Variants in CCDC33 observed in about 807,000 individuals in gnomAD.
CCDC33 encodes coiled-coil domain containing 33, also known as coiled-coil domain-containing protein 33.
Under a neutral mutation model 91.9 loss-of-function variants are expected in CCDC33, and 94 were observed. The ratio of observed to expected loss-of-function variants is 1.02; its 90% CI spans 0.87 to 1.21. The LOEUF (loss-of-function observed/expected upper bound fraction) is 1.21. Ranked by LOEUF, CCDC33 falls within the 50% of genes most tolerant of loss-of-function variation. The pLI is 0.00. For synonymous variants in CCDC33, 396 were observed against 374.5 expected (o/e 1.06, Z -0.66); for missense variants, 940 against 935.5 (o/e 1.00, Z -0.06).
intron 18 of CCDC33, 53 bp downstream of exon 18, chr15:74,335,141 G>A (rs752649384): frequency 1.5e-6 from 2 of 1,378,294 alleles, no homozygotes; most frequent in Admixed American, 1.7e-5. Context: ...GGAGCAGGAA[G>A]CCACCGCACC....
In CCDC33 at chr15:74,312,694, CCCT is replaced by C. The variant is rs1442087479; in HGVS notation, c.1290+16751_1290+16753del. Reference sequence around the variant, plus strand: ...CTCCTGCTCAGATGTGACAGTGCAACCCTCCTCATACATATAGGGGCTTCCTGG... The same window carrying C: ...CTCCTGCTCAGATGTGACAGTGCAACCCTCATACATATAGGGGCTTCCTGG... On this transcript the variant is annotated intron_variant, in intron 11 of 18. Transcript: ENST00000398814. Among the ~76,000 whole-genome samples the C allele has an allele frequency of 2.6e-5, 4 of 152,256 alleles. No individual in the cohort carries two copies. In the East Asian group the frequency reaches 7.7e-4, roughly 29 times the overall value.
At chr15:74,233,202 G>A (rs1273959159), upstream of CCDC33, among the ~76,000 whole-genome samples, 1 of 152,228 alleles carries the variant, frequency 6.6e-6, no homozygotes, top group East Asian at 1.9e-4. Context: ...TGCTTCTGGA[G>A]CTGCAAGTTC....
intron 2 of CCDC33, among the ~76,000 whole-genome samples, chr15:74,222,173 T>C (rs1238456679): frequency 6.6e-6 from 1 of 152,194 alleles, no homozygotes; most frequent in African/African-American, 2.4e-5. Flanking sequence ...GCCACAACGC[T>C]TCTGGTACCT....
At position 74,244,170 on chromosome 15, in the gene CCDC33, G is replaced by A; in HGVS notation, c.185+22G>A. ...TGGTGTAAGTAGCTGCGTGAGAGTG[G>A]GGGCAGGGGATGGGTTGGGCTGTGA... is the stretch of plus-strand genomic sequence containing the variant. On this transcript the variant is annotated intron_variant, in intron 2 of 18. Coordinates refer to ENST00000398814, the MANE Select transcript of CCDC33 (RefSeq NM_025055.5). This position sits in a 1 kb window ranked among gnomAD's most constrained non-coding sequence, Gnocchi z 4.2. 1 of 1,597,890 alleles carries A rather than the reference G, an allele frequency of 6.3e-7. No homozygotes were observed. Among genetic ancestry groups the A allele is most frequent in the Non-Finnish European group, 8.5e-7 (1 of 1,169,946 alleles).
chr15:74,334,032 C>T (rs972478174), intron 17 of CCDC33, 65 bp downstream of exon 17: 7 of 1,392,610 alleles, frequency 5.0e-6, no homozygotes, highest in Admixed American at 1.8e-5. Flanking sequence ...AACCAGGGCT[C>T]AGTGTGTGAG....
chr15:74,299,151 T>A (rs1488196505), intron 11 of CCDC33, among the ~76,000 whole-genome samples: 2 of 152,230 alleles, frequency 1.3e-5, no homozygotes, highest in African/African-American at 4.8e-5. Context: ...AGAGGTGTTG[T>A]GAGCTGGGTC....
At chr15:74,252,864 T>C (rs1335072785) in intron 2 of CCDC33, among the ~76,000 whole-genome samples, 1 of 152,120 alleles carries the variant, frequency 6.6e-6, no homozygotes, top group Non-Finnish European at 1.5e-5. Flanking sequence ...ACTCAGAACC[T>C]CAGAATTTTT....
In CCDC33 at chr15:74,266,950, A is replaced by C. The variant is rs568848821; in HGVS notation, c.429+163A>C. ...GAAACATGGCTCCTGGTACATACACAGGAATGGTGTCTACAAGAATTTGGA... is the reference window on the plus strand; with the variant it reads ...GAAACATGGCTCCTGGTACATACACCGGAATGGTGTCTACAAGAATTTGGA... On this transcript the variant is annotated intron_variant, in intron 4 of 18. Transcript: ENST00000398814. Among the ~76,000 whole-genome samples, 6 of 151,922 alleles carry C rather than the reference A, an allele frequency of 3.9e-5. No individual in the cohort carries two copies. In the East Asian group the frequency reaches 9.8e-4, roughly 25 times the overall value.
At chr15:74,279,520 GT>G (rs1274898767) in intron 7 of CCDC33, among the ~76,000 whole-genome samples, 1 of 151,928 alleles carries the variant, frequency 6.6e-6, no homozygotes, top group Non-Finnish European at 1.5e-5. Context: ...GCATTTATTT[GT>G]TTATTTATTT....
In CCDC33 at chr15:74,244,627, T is replaced by A. The variant is rs1212784375; in HGVS notation, c.185+479T>A. Among the ~76,000 whole-genome samples, 1 of 151,814 alleles carries A rather than the reference T, an allele frequency of 6.6e-6. No homozygotes were observed. Among genetic ancestry groups the A allele is most frequent in the Non-Finnish European group, 1.5e-5 (1 of 67,928 alleles). ...CTTCTATTATGGGGACTCCCCTAGT[T>A]CTGGGCCTTTAATGCACCCCACACA... On this transcript the variant is annotated intron_variant, in intron 2 of 18. Coordinates refer to ENST00000398814, the MANE Select transcript of CCDC33 (RefSeq NM_025055.5). The surrounding 1 kb of genome is among the most constrained non-coding windows in gnomAD (Gnocchi z 4.2).
intron 16 of CCDC33, 79 bp from the exon 17 acceptor site, chr15:74,333,802 C>G: frequency 8.3e-7 from 1 of 1,209,952 alleles, no homozygotes; most frequent in Admixed American, 1.8e-5. Context: ...GTTTCTTCCT[C>G]AATACCTTAT....
At chr15:74,267,258 G>A (rs374030408) in intron 4 of CCDC33, among the ~76,000 whole-genome samples, 6 of 152,320 alleles carry the variant, frequency 3.9e-5, no homozygotes, top group South Asian at 2.1e-4. Context: ...GCAAGTGAGC[G>A]GCAGAGTTGA....
intron 2 of CCDC33, among the ~76,000 whole-genome samples, chr15:74,230,611 C>T (rs1368978997): frequency 2.0e-5 from 3 of 152,168 alleles, no homozygotes; most frequent in Non-Finnish European, 4.4e-5. Flanking sequence ...ATGGAAGCCG[C>T]GTTGTCCAAC....
chr15:74,319,949 C>G (rs2060172460), intron 11 of CCDC33, among the ~76,000 whole-genome samples: 1 of 152,238 alleles, frequency 6.6e-6, no homozygotes, highest in African/African-American at 2.4e-5. Context: ...AGGGAAAATT[C>G]ACTCCTTTTG....
rs1566988347 is a variant in CCDC33, at chr15:74,272,822, AC to A, written c.691del (p.Leu231CysfsTer8). Reference protein sequence around the residue: ...LASVGLPITPLSFPIPSMMNF... With the variant: ...LASVGLPITPXSFPIPSMMNF... ...CCTCTGTGGGGCTGCCCATCACCCC[AC>A]TGTCCTTCCCTATCCCGTCCATGAT... On this transcript the variant is annotated frameshift_variant, in exon 7 of 19. Coordinates refer to ENST00000398814, the MANE Select transcript of CCDC33 (RefSeq NM_025055.5). LOFTEE classifies it high-confidence loss of function. The A allele has an allele frequency of 6.2e-7, 1 of 1,614,128 alleles. No individual in the cohort carries two copies. The highest frequency in any genetic ancestry group is 1.1e-5 in the South Asian group (1 of 91,076).
chr15:74,224,984 G>T (rs2074741482), intron 2 of CCDC33, among the ~76,000 whole-genome samples: 1 of 152,100 alleles, frequency 6.6e-6, no homozygotes, highest in Admixed American at 6.5e-5. Context: ...GCCCAGCCTG[G>T]GTGCTAGTCT....
chr15:74,336,372 A>G, downstream of CCDC33: 1 of 1,335,092 alleles, frequency 7.5e-7, no homozygotes, highest in Non-Finnish European at 9.8e-7. Flanking sequence ...CCGGAGAAGA[A>G]GCAAGGCCAC....
At chr15:74,295,222 G>T (rs957818654) in intron 10 of CCDC33, among the ~76,000 whole-genome samples, 2 of 152,204 alleles carry the variant, frequency 1.3e-5, no homozygotes, top group African/African-American at 4.8e-5. Flanking sequence ...CCAGAGACTA[G>T]GGATAGACAA....
chr15:74,293,089 G>A (rs1180068252), intron 10 of CCDC33, among the ~76,000 whole-genome samples: 2 of 152,218 alleles, frequency 1.3e-5, no homozygotes, highest in Admixed American at 1.3e-4. Context: ...TGGTGCTGGG[G>A]CCACACTGAG....
Sources: allele counts gnomAD v4.1 joint callset (sites outside exome capture counted in the v4.1 genomes callset), GRCh38; gene constraint gnomAD v4.1.1; non-coding constraint Gnocchi (gnomAD v3.1); transcripts MANE v1.5; gene names NCBI Gene and HGNC (gene_info 2026-07-23, HGNC 2026-07-21).